KIRREL3: variants seen among roughly 807,000 people sequenced by gnomAD.
KIRREL3 encodes the protein kirre like nephrin family adhesion molecule 3.
Under a neutral mutation model 89.7 loss-of-function variants are expected in KIRREL3, and 36 were observed. The ratio of observed to expected loss-of-function variants is 0.40; its 90% CI spans 0.31 to 0.53. The LOEUF (loss-of-function observed/expected upper bound fraction) is 0.53. Ranked by LOEUF, KIRREL3 falls within the 20% of genes least tolerant of loss-of-function variation. The pLI, the probability that KIRREL3 is intolerant of heterozygous loss-of-function variation, is 0.49. For missense variants in KIRREL3, 864 were observed against 1,056.6 expected (o/e 0.82, Z 2.53); for synonymous variants, 445 against 441.4 (o/e 1.01, Z -0.10).
Position 126,844,429 on chromosome 11 carries a change from C to T in KIRREL3, c.55+156026G>A, listed in dbSNP as rs1944069542. On this transcript the variant is annotated intron_variant, in intron 1 of 16. Transcript: ENST00000525144. The surrounding 1 kb of genome is among the most constrained non-coding windows in gnomAD (Gnocchi z 4.8). ...GAAGGGACGATACTGAGGAGACCTCCAACCCAAAGGAAATAGACTGCAGCA... is the reference window on the plus strand; with the variant it reads ...GAAGGGACGATACTGAGGAGACCTCTAACCCAAAGGAAATAGACTGCAGCA... Among the ~76,000 whole-genome samples, 1 of 152,144 alleles carries T rather than the reference C, an allele frequency of 6.6e-6. No homozygotes were observed. The highest frequency in any genetic ancestry group is 6.5e-5 in the Admixed American group (1 of 15,280).
intron 5 of KIRREL3, among the ~76,000 whole-genome samples, chr11:126,473,078 T>TTAC (rs1956962185): frequency 2.2e-5 from 1 of 45,848 alleles, no homozygotes; most frequent in Non-Finnish European, 4.8e-5. Context: ...ACCATCCTCT[T>TTAC]CTCTACCTAA....
At chr11:126,732,127 C>T (rs1001814775) in intron 1 of KIRREL3, among the ~76,000 whole-genome samples, 3 of 152,184 alleles carry the variant, frequency 2.0e-5, no homozygotes, top group Non-Finnish European at 2.9e-5. Flanking sequence ...TCTTTACAAT[C>T]TGCTCCATTT....
intron 4 of KIRREL3, among the ~76,000 whole-genome samples, chr11:126,487,789 G>A (rs949580379): frequency 3.9e-5 from 6 of 152,238 alleles, no homozygotes; most frequent in African/African-American, 7.2e-5. Context: ...ACCCTGTGGG[G>A]ACAGTCACTG....
intron 1 of KIRREL3, among the ~76,000 whole-genome samples, chr11:126,975,771 T>G (rs1218985794): frequency 1.3e-5 from 2 of 152,180 alleles, no homozygotes; most frequent in Non-Finnish European, 2.9e-5. Context: ...CAGTTGATTC[T>G]CATGCACAAT....
intron 1 of KIRREL3, among the ~76,000 whole-genome samples, chr11:126,753,612 C>G (rs1175403145): frequency 6.6e-6 from 1 of 152,116 alleles, no homozygotes; most frequent in East Asian, 1.9e-4. Context: ...TTTTCTTGGA[C>G]AGTGGAGATC....
chr11:126,604,194 G>A (rs947807093), intron 1 of KIRREL3, among the ~76,000 whole-genome samples: 5 of 152,052 alleles, frequency 3.3e-5, no homozygotes, highest in African/African-American at 1.2e-4. Flanking sequence ...ATCTCCTCCG[G>A]GTGTCCAGTA....
Position 126,624,382 on chromosome 11 carries a change from C to T in KIRREL3, c.56-61470G>A, listed in dbSNP as rs1033304896. On this transcript the variant is annotated intron_variant, in intron 1 of 16. Coordinates refer to ENST00000525144, the MANE Select transcript of KIRREL3 (RefSeq NM_032531.4). The surrounding 1 kb of genome is among the most constrained non-coding windows in gnomAD (Gnocchi z 6.0). ...AAAACCTGAGGTATTTCTTAGAACA[C>T]GAAGCATGAATCACTTACACCAGAG... Among the ~76,000 whole-genome samples the T allele has an allele frequency of 2.6e-5, 4 of 152,098 alleles. No homozygotes were observed. The highest frequency in any genetic ancestry group is 7.2e-5 in the African/African-American group (3 of 41,410).
Position 126,609,497 on chromosome 11 carries a change from C to T in KIRREL3, c.56-46585G>A, listed in dbSNP as rs959203062. ...AAGTGAATGTGAGGCCGAGAGGCTT[C>T]GTGAAAGGTTAAGTGGGTGGGGGAC... is the stretch of plus-strand genomic sequence containing the variant. On this transcript the variant is annotated intron_variant, in intron 1 of 16. Coordinates refer to ENST00000525144, the MANE Select transcript of KIRREL3 (RefSeq NM_032531.4). This position sits in a 1 kb window ranked among gnomAD's most constrained non-coding sequence, Gnocchi z 5.0. 2.0e-4 allele frequency among the ~76,000 whole-genome samples: 30 copies of T among 152,062 alleles called. No individual in the cohort carries two copies. The highest frequency in any genetic ancestry group is 6.8e-4 in the African/African-American group (28 of 41,390).
At chr11:126,944,519 T>G (rs373100415) in intron 1 of KIRREL3, 11 of 152,370 alleles carry the variant, frequency 7.2e-5, no homozygotes, top group African/African-American at 2.6e-4. Context: ...TGGTTGCCAC[T>G]GAGAACTTCC....
At position 126,764,024 on chromosome 11, in the gene KIRREL3, G is replaced by A. The variant is rs377627748; in HGVS notation, c.56-201112C>T. Among the ~76,000 whole-genome samples the A allele has an allele frequency of 2.6e-5, 4 of 152,030 alleles. No individual in the cohort carries two copies. Among genetic ancestry groups the A allele is most frequent in the African/African-American group, 9.7e-5 (4 of 41,352 alleles). ...TCCCATCATTCCTTCTTTGTAGAGG[G>A]CAAGGAAAGGTGGGTTATACAGATG... On this transcript the variant is annotated intron_variant, in intron 1 of 16. Coordinates refer to ENST00000525144, the MANE Select transcript of KIRREL3 (RefSeq NM_032531.4). This position sits in a 1 kb window ranked among gnomAD's most constrained non-coding sequence, Gnocchi z 4.2.
rs927864623 is a variant in KIRREL3, at chr11:126,642,283, G to A, written c.56-79371C>T. ...GTTAGTTCTCACTTTCCCCATTTCT[G>A]AGACCAGCAAGAGGCTCTGTTTGCG... On this transcript the variant is annotated intron_variant, in intron 1 of 16. Transcript: ENST00000525144. This position sits in a 1 kb window ranked among gnomAD's most constrained non-coding sequence, Gnocchi z 4.9. 2.0e-5 allele frequency among the ~76,000 whole-genome samples: 3 copies of A among 152,190 alleles called. No individual in the cohort carries two copies. The highest frequency in any genetic ancestry group is 7.2e-5 in the African/African-American group (3 of 41,442).
Position 126,982,862 on chromosome 11 carries a change from G to T in KIRREL3, c.55+17593C>A, listed in dbSNP as rs112169504. Among the ~76,000 whole-genome samples the T allele has an allele frequency of 2.3e-3, 351 of 152,294 alleles. 3 individuals are homozygous for T. Among genetic ancestry groups the T allele is most frequent in the Non-Finnish European group, 2.8e-3 (190 of 68,034 alleles). On this transcript the variant is annotated intron_variant, in intron 1 of 16. Coordinates refer to ENST00000525144, the MANE Select transcript of KIRREL3 (RefSeq NM_032531.4). ...TCAACTACTCCAAAGACAGGAGGAG[G>T]CCAAGGTCTATAGTATTTTAAAGGA...
chr11:126,547,265 A>T (rs1938880310), intron 2 of KIRREL3, among the ~76,000 whole-genome samples: 1 of 151,944 alleles, frequency 6.6e-6, no homozygotes, highest in Non-Finnish European at 1.5e-5. Context: ...GAGTTTGGGA[A>T]CTCTGTGAGT....
At position 126,440,467 on chromosome 11, in the gene KIRREL3, C is replaced by A; in HGVS notation, c.1335G>T (p.Thr445=). The change falls in exon 11 of 17, where the codon ACG becomes ACT. Residue 445 remains threonine (T), a synonymous_variant. Coordinates refer to ENST00000525144, the MANE Select transcript of KIRREL3 (RefSeq NM_032531.4). ...KGQIKCFIRS[T]PPPDRIAWSW... ...CACTCACGATGCGGTCCGGCGGCGG[C>A]GTGCTCCGGATGAAGCACTTGATCT... 6.3e-7 allele frequency: 1 copy of A among 1,584,478 alleles called. No individual in the cohort carries two copies. The highest frequency in any genetic ancestry group is 8.6e-7 in the Non-Finnish European group (1 of 1,166,192).
Position 126,522,602 on chromosome 11 carries a change from G to A in KIRREL3, c.284-1138C>T, listed in dbSNP as rs1184792378. Reference sequence around the variant, plus strand: ...ATCATTAATCAGCGTTCCTGCTGCTGTGTAGGGTTGAATATAAATGCCAAC... The same window carrying A: ...ATCATTAATCAGCGTTCCTGCTGCTATGTAGGGTTGAATATAAATGCCAAC... On this transcript the variant is annotated intron_variant, in intron 3 of 16. Coordinates refer to ENST00000525144, the MANE Select transcript of KIRREL3 (RefSeq NM_032531.4). The surrounding 1 kb of genome is among the most constrained non-coding windows in gnomAD (Gnocchi z 6.0). 2.0e-5 allele frequency among the ~76,000 whole-genome samples: 3 copies of A among 152,378 alleles called. No individual in the cohort carries two copies. Among genetic ancestry groups the A allele is most frequent in the African/African-American group, 4.8e-5 (2 of 41,596 alleles).
chr11:126,425,273 G>A (rs1451030446), intron 16 of KIRREL3, among the ~76,000 whole-genome samples: 2 of 152,224 alleles, frequency 1.3e-5, no homozygotes, highest in Non-Finnish European at 2.9e-5. Context: ...CAAGGGTGAG[G>A]GCTGAGGGCC....
Position 126,521,676 on chromosome 11 carries a change from ATGTGTGTGTGTGTGTG to A in KIRREL3, c.284-228_284-213del, listed in dbSNP as rs55838363. Among the ~76,000 whole-genome samples the A allele has an allele frequency of 0.059, 8,509 of 143,458 alleles. 297 individuals carry two copies. The highest frequency in any genetic ancestry group is 0.087 in the Middle Eastern group (25 of 288). 94.1% of individuals were successfully genotyped at this position (143,458 alleles called of 152,430 possible). ...GTTGGTTCTCTCTCTCTCTCTCTGT[ATGTGTGTGTGTGTGTG>A]TGTGTGTGTGTGTGTGTGTGTGTGT... On this transcript the variant is annotated intron_variant, in intron 3 of 16. Coordinates refer to ENST00000525144, the MANE Select transcript of KIRREL3 (RefSeq NM_032531.4). This position sits in a 1 kb window ranked among gnomAD's most constrained non-coding sequence, Gnocchi z 4.1.
Position 126,425,688 on chromosome 11 carries a change from T to G in KIRREL3, c.1843A>C (p.Lys615Gln). The change falls in exon 16 of 17, where the codon AAA (lysine) becomes CAA (glutamine). Residue 615 changes from lysine to glutamine, a missense_variant. Physicochemically the swap from Lys to Gln is moderately conservative, Grantham distance 53. Coordinates refer to ENST00000525144, the MANE Select transcript of KIRREL3 (RefSeq NM_032531.4). Reference protein sequence around the residue: ...RGEFQQDSVLKQLEVLKEEEK... With the variant: ...RGEFQQDSVLQQLEVLKEEEK... ...TCTTCTTTGAGGACCTCCAGCTGTT[T>G]CAGGACTGAGTCTTGCTGGAATTCA... The G allele has an allele frequency of 6.3e-7, 1 of 1,599,352 alleles. No individual in the cohort carries two copies. Among genetic ancestry groups the G allele is most frequent in the Non-Finnish European group, 8.5e-7 (1 of 1,172,378 alleles).
intron 4 of KIRREL3, among the ~76,000 whole-genome samples, chr11:126,481,285 C>T (rs1252900152): frequency 6.6e-6 from 1 of 152,170 alleles, no homozygotes; most frequent in Non-Finnish European, 1.5e-5. Context: ...GTTTTCTTCC[C>T]ACCCCTTAAA....
Sources: gnomAD v4.1 joint callset for allele counts (sites outside exome capture counted in the v4.1 genomes callset) on GRCh38, gnomAD v4.1.1 for gene constraint, Gnocchi (gnomAD v3.1) non-coding constraint, MANE v1.5 for transcripts, NCBI Gene and HGNC (gene_info 2026-07-23, HGNC 2026-07-21) for gene names.